The following PTPN1 variants were observed in gnomAD, a reference collection of about 807,000 sequenced individuals.
PTPN1 encodes the protein tyrosine-protein phosphatase non-receptor type 1.
PTPN1 carries 12 observed loss-of-function variants against 59.9 expected under a neutral mutation model. That is an observed-to-expected ratio of 0.20 (90% CI 0.13 to 0.32). The LOEUF (loss-of-function observed/expected upper bound fraction) is 0.32. Ranked by LOEUF, PTPN1 falls within the 10% of genes least tolerant of loss-of-function variation. The pLI is 1.00. For missense variants in PTPN1, 356 were observed against 549.2 expected, an observed-to-expected ratio of 0.65 and a Z score of 3.52; for synonymous variants, 178 against 203.6, an observed-to-expected ratio of 0.87 and a Z score of 1.07.
chr20:50,556,869 C>T (rs1447741984), intron 1 of PTPN1, among the ~76,000 whole-genome samples: 1 of 152,132 alleles, frequency 6.6e-6, no homozygotes, highest in African/African-American at 2.4e-5. Context: ...TGCTTCAACC[C>T]GGGAGGCAGA....
At position 50,582,310 on chromosome 20, in the gene PTPN1, G is replaced by A. The variant is rs1460947948; in HGVS notation, c.1285-382G>A. Among the ~76,000 whole-genome samples the A allele has an allele frequency of 6.6e-6, 1 of 152,226 alleles. No individual in the cohort carries two copies. The highest frequency in any genetic ancestry group is 1.5e-5 in the Non-Finnish European group (1 of 68,044). ...AACCCGCTGTTAATTCAGAGAAGTG[G>A]GCTCCACCTCATTGGGAGAAGTGCC... On this transcript the variant is annotated intron_variant, in intron 9 of 9. Transcript: ENST00000371621. This position sits in a 1 kb window ranked among gnomAD's most constrained non-coding sequence, Gnocchi z 4.2.
At position 50,548,039 on chromosome 20, in the gene PTPN1, A is replaced by G. The variant is rs74577245; in HGVS notation, c.64-13324A>G. Among the ~76,000 whole-genome samples, 277 of 152,128 alleles carry G rather than the reference A, an allele frequency of 1.8e-3. 2 individuals are homozygous for G. The highest frequency in any genetic ancestry group is 6.8e-3 in the Middle Eastern group (2 of 294). ...TAATTTACTTTGAAGATTTTTTTTT[A>G]TTCTCAACATCCTGCAGCTTGACCG... On this transcript the variant is annotated intron_variant, in intron 1 of 9. Coordinates refer to ENST00000371621, the MANE Select transcript of PTPN1 (RefSeq NM_002827.4).
At position 50,521,136 on chromosome 20, in the gene PTPN1, C is replaced by T. The variant is rs2082549333; in HGVS notation, c.63+10546C>T. 2.6e-5 allele frequency among the ~76,000 whole-genome samples: 4 copies of T among 151,920 alleles called. No homozygotes were observed. In the South Asian group the frequency reaches 8.3e-4, roughly 32 times the overall value. Reference sequence around the variant, plus strand: ...TATTTCCTTAAAAATAATAAAATGCCCTGTGGGGGCATAAGTCACATTATA... The same window carrying T: ...TATTTCCTTAAAAATAATAAAATGCTCTGTGGGGGCATAAGTCACATTATA... On this transcript the variant is annotated intron_variant, in intron 1 of 9. Coordinates refer to ENST00000371621, the MANE Select transcript of PTPN1 (RefSeq NM_002827.4).
rs942693060 is a variant in PTPN1, at chr20:50,562,575, C to T, written c.154+1122C>T. The stretch of plus-strand genomic sequence containing the variant: ...GCTTAGCCCAGCGCCCAGTACCTCA[C>T]GCAGACATAAGTGCTCAGTAAATGT... On this transcript the variant is annotated intron_variant, in intron 2 of 9. Transcript: ENST00000371621. 5.3e-5 allele frequency among the ~76,000 whole-genome samples: 8 copies of T among 152,328 alleles called. No homozygotes were observed. The South Asian group carries it at 8.3e-4, about 16-fold the overall frequency.
chr20:50,553,649 T>C (rs1177873023), intron 1 of PTPN1, among the ~76,000 whole-genome samples: 1 of 151,946 alleles, frequency 6.6e-6, no homozygotes, highest in Non-Finnish European at 1.5e-5. Context: ...AAGTAAACAA[T>C]GTGATGCATA....
chr20:50,561,338 T>C, intron 1 of PTPN1, 25 bp from the exon 2 acceptor site: 1 of 1,552,354 alleles, frequency 6.4e-7, no homozygotes, highest in Admixed American at 1.8e-5. Flanking sequence ...GACGGTCAGT[T>C]AAATGTCTTT....
At chr20:50,544,298 G>A (rs1398570141) in intron 1 of PTPN1, among the ~76,000 whole-genome samples, 1 of 152,010 alleles carries the variant, frequency 6.6e-6, no homozygotes, top group Non-Finnish European at 1.5e-5. Context: ...CCACAGACAT[G>A]TACCACCACA....
intron 1 of PTPN1, among the ~76,000 whole-genome samples, chr20:50,556,099 A>C (rs965450955): frequency 4.6e-5 from 7 of 151,212 alleles, no homozygotes; most frequent in African/African-American, 1.7e-4. Context: ...TAAGTGATGC[A>C]GTGGATGTGT....
intron 1 of PTPN1, among the ~76,000 whole-genome samples, chr20:50,542,202 A>G (rs1468158997): frequency 6.6e-6 from 1 of 152,260 alleles, no homozygotes; most frequent in Non-Finnish European, 1.5e-5. Context: ...TACCTAGGGG[A>G]TTGGGTAAAA....
chr20:50,560,552 G>C (rs181093405), intron 1 of PTPN1, among the ~76,000 whole-genome samples: 110 of 151,394 alleles, frequency 7.3e-4, no homozygotes, highest in Non-Finnish European at 1.4e-3. Flanking sequence ...CTGATTTCCA[G>C]CTTCCAGAAT....
At chr20:50,559,860 G>GTT (rs774784720) in intron 1 of PTPN1, among the ~76,000 whole-genome samples, 13 of 141,866 alleles carry the variant, frequency 9.2e-5, no homozygotes, top group African/African-American at 2.1e-4. Flanking sequence ...TCCCCCAAGG[G>GTT]TTTTTTTTTT....
chr20:50,573,017 C>G (rs977677946), intron 4 of PTPN1: 2 of 152,260 alleles, frequency 1.3e-5, no homozygotes, highest in African/African-American at 4.8e-5. Flanking sequence ...GGCTTCTGGT[C>G]TGGCACTGTG....
intron 3 of PTPN1, among the ~76,000 whole-genome samples, chr20:50,566,714 C>T (rs1272657991): frequency 6.6e-6 from 1 of 152,146 alleles, no homozygotes; most frequent in African/African-American, 2.4e-5. Flanking sequence ...AAGGGGCCCT[C>T]CTTCACCTCC....
At chr20:50,552,716 T>C (rs576442048) in intron 1 of PTPN1, among the ~76,000 whole-genome samples, 1 of 150,176 alleles carries the variant, frequency 6.7e-6, no homozygotes, top group East Asian at 2.0e-4. Context: ...ACTAGCCAGG[T>C]ATAGTGCTAA....
chr20:50,531,003 C>T (rs2082598735), intron 1 of PTPN1, among the ~76,000 whole-genome samples: 1 of 152,146 alleles, frequency 6.6e-6, no homozygotes, highest in African/African-American at 2.4e-5. Flanking sequence ...TGCACCTGGC[C>T]AAGGATTGTT....
intron 2 of PTPN1, 67 bp from the exon 3 acceptor site, chr20:50,564,902 G>T (rs1478176413): frequency 1.3e-6 from 2 of 1,598,796 alleles, no homozygotes; most frequent in African/African-American, 2.7e-5. Context: ...TTTCTGTAGG[G>T]TGTGCACCTG....
chr20:50,552,979 C>T lies in PTPN1; in HGVS notation c.64-8384C>T, dbSNP rs1399087689. Among the ~76,000 whole-genome samples the T allele has an allele frequency of 2.0e-5, 3 of 152,194 alleles. No individual in the cohort carries two copies. In the South Asian group the frequency reaches 6.2e-4, roughly 31 times the overall value. On this transcript the variant is annotated intron_variant, in intron 1 of 9. Transcript: ENST00000371621. The stretch of plus-strand genomic sequence containing the variant: ...TATTATAAAAAAATAATCTGCCCAA[C>T]CTTCTCCTTTTATTTCCTCTACTTG...
intron 1 of PTPN1, among the ~76,000 whole-genome samples, chr20:50,524,593 T>C (rs1285764413): frequency 3.5e-5 from 5 of 142,072 alleles, no homozygotes; most frequent in Non-Finnish European, 7.6e-5. Context: ...TTTTTTTTTT[T>C]TGAGGTGGAG....
chr20:50,579,102 C>A, intron 6 of PTPN1, 66 bp from the exon 7 acceptor site: 1 of 1,514,312 alleles, frequency 6.6e-7, no homozygotes, highest in Non-Finnish European at 9.1e-7. Flanking sequence ...AGACATCTAA[C>A]GGTGTTATTA....
Sources: gnomAD v4.1 joint callset for allele counts (sites outside exome capture counted in the v4.1 genomes callset) on GRCh38, gnomAD v4.1.1 for gene constraint, Gnocchi (gnomAD v3.1) non-coding constraint, MANE v1.5 for transcripts, NCBI Gene and HGNC (gene_info 2026-07-23, HGNC 2026-07-21) for gene names.